The following SIDT2 variants were observed in gnomAD, a reference collection of about 807,000 sequenced individuals.
SIDT2 encodes SID1 transmembrane family member 2.
SIDT2 carries 68 observed loss-of-function variants against 114.4 expected under a neutral mutation model. The observed-to-expected ratio is 0.59, with a 90% CI of 0.49 to 0.73. The LOEUF (loss-of-function observed/expected upper bound fraction) is 0.73, where lower values mean the gene tolerates loss of function less well. SIDT2 is among the 30% of genes least tolerant of loss of function. The probability of loss-of-function intolerance (pLI) is 0.00; values close to 1 mark genes in which losing one functional copy is unlikely to be tolerated. For missense variants in SIDT2, 918 were observed against 1,097.1 expected, an observed-to-expected ratio of 0.84 and a Z score of 2.31; for synonymous variants, 470 against 438.4, an observed-to-expected ratio of 1.07 and a Z score of -0.90.
chr11:117,186,656 G>A lies in SIDT2; in HGVS notation c.1015+20G>A. The A allele has an allele frequency of 6.4e-7, 1 of 1,550,808 alleles. No homozygotes were observed. The highest frequency in any genetic ancestry group is 8.7e-7 in the Non-Finnish European group (1 of 1,152,988). Reference sequence around the variant, plus strand: ...AAAGCGGTACCTCCAGGGGGCCTGGGTGGGGCGGGCACAGTGTGCTTTGTG... The same window carrying A: ...AAAGCGGTACCTCCAGGGGGCCTGGATGGGGCGGGCACAGTGTGCTTTGTG... On this transcript the variant is annotated intron_variant, in intron 10 of 25. Transcript: ENST00000324225.
rs2030632588 is a variant in SIDT2 at position 117,189,736 on chromosome 11, C to T, written c.1420-216C>T. The stretch of plus-strand genomic sequence containing the variant: ...GGCAAGAACTTCCATCACGGTCATG[C>T]CTCAGGGTTTTCAGCCACGCCTAAT... On this transcript the variant is annotated intron_variant, in intron 15 of 25. Transcript: ENST00000324225. 4.9e-6 allele frequency: 3 copies of T among 608,918 alleles called. No individual in the cohort carries two copies. The Admixed American group carries it at 8.5e-5, about 17-fold the overall frequency. The allele number at this position is 608,918 out of a possible 1,614,324, so 37.7% of individuals were successfully genotyped here.
rs1178144153 is a variant in SIDT2 at position 117,188,250 on chromosome 11, C to G, written c.1160-458C>G. ...AGGCATGGGGGTCACATTCTGGCCT[C>G]TGGATAAAGGAGAAATGCTCTTTCT... On this transcript the variant is annotated intron_variant, in intron 12 of 25. Coordinates refer to ENST00000324225, the MANE Select transcript of SIDT2 (RefSeq NM_001040455.2). The surrounding 1 kb of genome is among the most constrained non-coding windows in gnomAD (Gnocchi z 4.0). 1.2e-5 allele frequency: 4 copies of G among 334,412 alleles called. No individual in the cohort carries two copies. Among genetic ancestry groups the G allele is most frequent in the South Asian group, 7.3e-5 (3 of 41,096 alleles). The allele number at this position is 334,412 out of a possible 1,614,324, so 20.7% of individuals were successfully genotyped here. A position where few individuals can be genotyped will look rare whatever the true frequency, so the allele number is the denominator to read the frequency against.
chr11:117,183,730 A>AATGATG (rs377497326), intron 6 of SIDT2, 49 bp from the exon 7 acceptor site: 2 of 1,251,354 alleles, frequency 1.6e-6, no homozygotes, highest in Admixed American at 1.7e-5. Flanking sequence ...TTTAGAAAAG[A>AATGATG]ATGATGATGA....
chr11:117,195,704 C>A, intron 24 of SIDT2, 98 bp from the exon 25 acceptor site: 2 of 1,236,108 alleles, frequency 1.6e-6, no homozygotes, highest in African/African-American at 1.5e-5. Context: ...CTGCCTGGGG[C>A]TGGAGAGAGG....
Position 117,191,983 on chromosome 11 carries a change from C to T in SIDT2, c.1841C>T (p.Ala614Val). ...GCCTACAGTGCCTACGCCTGCCTGGCCATTGTCATCTTCTTCTCTGTGCTG... is the reference window on the plus strand; with the variant it reads ...GCCTACAGTGCCTACGCCTGCCTGGTCATTGTCATCTTCTTCTCTGTGCTG... ...ASAYSAYACLAIVIFFSVLGV... is the reference protein window; with the variant it reads ...ASAYSAYACLVIVIFFSVLGV... The change falls in exon 19 of 26, where the codon GCC becomes GTC. Residue 614 changes from alanine (A) to valine (V), a missense_variant. Physicochemically the swap from Ala to Val is moderately conservative, Grantham distance 64. Transcript: ENST00000324225. 1 of 1,614,216 alleles carries T rather than the reference C, an allele frequency of 6.2e-7. No individual in the cohort carries two copies. Among genetic ancestry groups the T allele is most frequent in the Non-Finnish European group, 8.5e-7 (1 of 1,180,040 alleles).
intron 8 of SIDT2, 106 bp downstream of exon 8, chr11:117,184,245 A>G (rs2030409912): frequency 4.4e-6 from 5 of 1,127,072 alleles, no homozygotes; most frequent in Admixed American, 2.0e-5. Flanking sequence ...GGATGCAGAT[A>G]TGCTGGTGGG....
In SIDT2 at chr11:117,195,941, G is replaced by A. The variant is rs772784124; in HGVS notation, c.2436+26G>A. The A allele has an allele frequency of 3.7e-6, 6 of 1,614,226 alleles. No homozygotes were observed. In the South Asian group the frequency reaches 5.5e-5, roughly 15 times the overall value. On this transcript the variant is annotated intron_variant, in intron 25 of 25. Coordinates refer to ENST00000324225, the MANE Select transcript of SIDT2 (RefSeq NM_001040455.2). Reference sequence around the variant, plus strand: ...GTAAGCGGGCCTCCCGGCCGAGCCGGGTGGGTACGTGAAGGTAGCAGCTGC... The same window carrying A: ...GTAAGCGGGCCTCCCGGCCGAGCCGAGTGGGTACGTGAAGGTAGCAGCTGC...
rs1406441728 is a variant in SIDT2, at chr11:117,188,248, C to G, written c.1160-460C>G. 2 of 336,290 alleles carry G rather than the reference C, an allele frequency of 5.9e-6. No individual in the cohort carries two copies. Among genetic ancestry groups the G allele is most frequent in the Non-Finnish European group, 1.2e-5 (2 of 172,528 alleles). 20.8% of individuals were successfully genotyped at this position (336,290 alleles called of 1,614,324 possible). A position where few individuals can be genotyped will look rare whatever the true frequency, so the allele number is the denominator to read the frequency against. On this transcript the variant is annotated intron_variant, in intron 12 of 25. Coordinates refer to ENST00000324225, the MANE Select transcript of SIDT2 (RefSeq NM_001040455.2). The surrounding 1 kb of genome is among the most constrained non-coding windows in gnomAD (Gnocchi z 4.0). ...ACAGGCATGGGGGTCACATTCTGGC[C>G]TCTGGATAAAGGAGAAATGCTCTTT...
rs2030537817 is a variant in SIDT2 at position 117,187,371 on chromosome 11, A to G, written c.1016-7A>G. 6.2e-7 allele frequency: 1 copy of G among 1,613,588 alleles called. No individual in the cohort carries two copies. Among genetic ancestry groups the G allele is most frequent in the African/African-American group, 1.3e-5 (1 of 74,806 alleles). On this transcript the variant is annotated splice_region_variant and splice_polypyrimidine_tract_variant and intron_variant, in intron 10 of 25. Coordinates refer to ENST00000324225, the MANE Select transcript of SIDT2 (RefSeq NM_001040455.2). ...CAGTGCTAACAGACCTTGACTTCTC[A>G]TTGCAGGTCACCCTCGAGTCCTGGC... is the stretch of plus-strand genomic sequence containing the variant.
At chr11:117,193,786 T>C in intron 23 of SIDT2, 67 bp from the exon 24 acceptor site, 1 of 1,166,138 alleles carries the variant, frequency 8.6e-7, no homozygotes, top group Non-Finnish European at 1.3e-6. Flanking sequence ...TGGGAAAGGC[T>C]GGGTGGGACA....
chr11:117,185,633 T>C (rs888271850), intron 8 of SIDT2, among the ~76,000 whole-genome samples: 1 of 151,926 alleles, frequency 6.6e-6, no homozygotes, highest in South Asian at 2.1e-4. Flanking sequence ...ATCCCAGAAC[T>C]TTGGGAGGCT....
chr11:117,189,311 C>G, intron 14 of SIDT2, 24 bp from the exon 15 acceptor site: 1 of 1,614,204 alleles, frequency 6.2e-7, no homozygotes, highest in Non-Finnish European at 8.5e-7. Context: ...CCACCCACCT[C>G]ACTGCCGCCC....
chr11:117,188,002 G>C lies in SIDT2; in HGVS notation c.1159+303G>C, dbSNP rs548311856. On this transcript the variant is annotated intron_variant, in intron 12 of 25. Coordinates refer to ENST00000324225, the MANE Select transcript of SIDT2 (RefSeq NM_001040455.2). This position sits in a 1 kb window ranked among gnomAD's most constrained non-coding sequence, Gnocchi z 4.0. ...GCTGTTTTGCCAATCAGTGCCTGCCGGCTCCGGTTGACTGCCGGCTGTGGG... is the reference window on the plus strand; with the variant it reads ...GCTGTTTTGCCAATCAGTGCCTGCCCGCTCCGGTTGACTGCCGGCTGTGGG... The C allele has an allele frequency of 1.7e-6, 1 of 604,678 alleles. No individual in the cohort carries two copies. The highest frequency in any genetic ancestry group is 1.8e-5 in the African/African-American group (1 of 54,972). The allele number at this position is 604,678 out of a possible 1,614,324, so 37.5% of individuals were successfully genotyped here. A position where few individuals can be genotyped will look rare whatever the true frequency, so the allele number is the denominator to read the frequency against.
intron 11 of SIDT2, 67 bp downstream of exon 11, chr11:117,187,516 G>A (rs954550203): frequency 1.7e-5 from 27 of 1,600,206 alleles, no homozygotes; most frequent in Admixed American, 5.0e-5. Flanking sequence ...CACCACCTCC[G>A]AGGCGGTAAA....
intron 15 of SIDT2, 104 bp from the exon 16 acceptor site, chr11:117,189,848 T>G: frequency 1.0e-6 from 1 of 997,806 alleles, no homozygotes; most frequent in Non-Finnish European, 1.6e-6. Flanking sequence ...ACCTGCTAGC[T>G]GTGGTGGCAC....
chr11:117,188,850 G>A lies in SIDT2; in HGVS notation c.1278+24G>A. The A allele has an allele frequency of 6.2e-7, 1 of 1,602,566 alleles. No homozygotes were observed. Among genetic ancestry groups the A allele is most frequent in the African/African-American group, 1.3e-5 (1 of 74,810 alleles). On this transcript the variant is annotated intron_variant, in intron 13 of 25. Coordinates refer to ENST00000324225, the MANE Select transcript of SIDT2 (RefSeq NM_001040455.2). The surrounding 1 kb of genome is among the most constrained non-coding windows in gnomAD (Gnocchi z 4.0). ...AGGTCTGACCCGTGGGCCTGGCCTG[G>A]TCAGGCGTTTCCTGAGAAAGGGACA...
Position 117,192,538 on chromosome 11 carries a change from CCCGTG to C in SIDT2, c.1982-33_1982-29del. 6.2e-7 allele frequency: 1 copy of C among 1,603,206 alleles called. No homozygotes were observed. Among genetic ancestry groups the C allele is most frequent in the South Asian group, 1.1e-5 (1 of 91,056 alleles). ...CCAGGGGTCCAGCAAAGGAGGGTGC[CCCGTG>C]CCTGTCAGCACCACTCCCTTCTCTT... On this transcript the variant is annotated intron_variant, in intron 20 of 25. Coordinates refer to ENST00000324225, the MANE Select transcript of SIDT2 (RefSeq NM_001040455.2). The surrounding 1 kb of genome is among the most constrained non-coding windows in gnomAD (Gnocchi z 5.9).
In SIDT2 at chr11:117,181,797, C is replaced by G; in HGVS notation, c.306-10C>G. 2 of 1,614,058 alleles carry G rather than the reference C, an allele frequency of 1.2e-6. No individual in the cohort carries two copies. The highest frequency in any genetic ancestry group is 1.7e-6 in the Non-Finnish European group (2 of 1,179,982). On this transcript the variant is annotated splice_polypyrimidine_tract_variant and intron_variant, in intron 2 of 25. Transcript: ENST00000324225. The stretch of plus-strand genomic sequence containing the variant: ...GTGCTCACATCCTATCTCCCTGCTT[C>G]GGGCCATAGGTTTCAGCGCAAGTAC...
At chr11:117,189,292 C>G (rs1217880038) in intron 14 of SIDT2, 43 bp from the exon 15 acceptor site, 5 of 1,613,854 alleles carry the variant, frequency 3.1e-6, no homozygotes, top group East Asian at 2.2e-5. Flanking sequence ...TGTGTGGCAG[C>G]CTTGGGTGCC....
Sources: gnomAD v4.1 joint callset for allele counts (sites outside exome capture counted in the v4.1 genomes callset) on GRCh38, gnomAD v4.1.1 for gene constraint, Gnocchi (gnomAD v3.1) non-coding constraint, MANE v1.5 for transcripts, NCBI Gene and HGNC (gene_info 2026-07-23, HGNC 2026-07-21) for gene names.